The following DCC variants were observed in gnomAD, a reference collection of about 807,000 sequenced individuals.
The protein encoded by DCC is netrin receptor DCC.
Under a neutral mutation model 172.5 loss-of-function variants are expected in DCC, and 58 were observed. The observed-to-expected ratio is 0.34, with a 90% confidence interval of 0.27 to 0.42. DCC has a LOEUF of 0.42. Ranked by LOEUF, DCC falls within the 10% of genes least tolerant of loss-of-function variation. The pLI is 1.00. For missense variants in DCC, 1,740 were observed against 1,791.0 expected (o/e 0.97, Z 0.51); for synonymous variants, 709 against 644.5 (o/e 1.10, Z -1.52).
chr18:53,014,737 G>T (rs958291988), intron 5 of DCC, among the ~76,000 whole-genome samples: 5 of 151,968 alleles, frequency 3.3e-5, no homozygotes, highest in Admixed American at 2.0e-4. Flanking sequence ...AAAATCATTG[G>T]TTTTAAGTTT....
intron 27 of DCC, among the ~76,000 whole-genome samples, chr18:53,512,010 G>T (rs1219496205): frequency 6.6e-6 from 1 of 152,196 alleles, no homozygotes; most frequent in East Asian, 1.9e-4. Flanking sequence ...ACCTCTGGGG[G>T]CAGGGCACAG....
At chr18:52,346,892 G>T (rs982190108) in intron 1 of DCC, among the ~76,000 whole-genome samples, 7 of 152,040 alleles carry the variant, frequency 4.6e-5, no homozygotes, top group Admixed American at 2.0e-4. Context: ...CAAATTTTTT[G>T]ACTTTTAGCT....
intron 2 of DCC, among the ~76,000 whole-genome samples, chr18:52,812,633 A>G (rs2038223493): frequency 6.6e-6 from 1 of 152,334 alleles, no homozygotes; most frequent in East Asian, 1.9e-4. Flanking sequence ...AATAGATACT[A>G]TTTATTTTCA....
At chr18:52,375,319 TCA>T (rs10604305) in intron 1 of DCC, among the ~76,000 whole-genome samples, 22,410 of 151,704 alleles carry the variant, frequency 0.15, 1,775 homozygotes, top group African/African-American at 0.17. Flanking sequence ...ACTATAACAC[TCA>T]CACACACACA....
At chr18:52,981,326 GTTCTT>G (rs1261888737) in intron 5 of DCC, among the ~76,000 whole-genome samples, 2 of 152,082 alleles carry the variant, frequency 1.3e-5, no homozygotes, top group African/African-American at 2.4e-5. Flanking sequence ...CTTTTTGACA[GTTCTT>G]TTCTTTTTCA....
chr18:52,927,888 T>A (rs1389551220), intron 5 of DCC, among the ~76,000 whole-genome samples: 1 of 152,084 alleles, frequency 6.6e-6, no homozygotes, highest in Non-Finnish European at 1.5e-5. Context: ...GTAGAATTAC[T>A]ATTTGACCCA....
intron 1 of DCC, among the ~76,000 whole-genome samples, chr18:52,748,485 G>C (rs554920510): frequency 1.3e-4 from 20 of 152,308 alleles, no homozygotes; most frequent in African/African-American, 4.6e-4. Flanking sequence ...CGGGGCAAGG[G>C]GTGGGCAGGA....
chr18:53,416,380 T>C, intron 21 of DCC: 1 of 683,298 alleles, frequency 1.5e-6, no homozygotes, highest in Middle Eastern at 2.4e-4. Context: ...GTCTCCATTC[T>C]GAAGGACCAA....
rs552028792 is a variant in DCC, at chr18:53,039,916, A to G, written c.986-23389A>G. 3.9e-5 allele frequency among the ~76,000 whole-genome samples: 6 copies of G among 152,074 alleles called. No individual in the cohort carries two copies. In the East Asian group the frequency reaches 1.2e-3, roughly 30 times the overall value. ...TGGAATGTCCATTCCTTGAGGGCAT[A>G]TCTATTGTCTGTGCAGCTGCAGTGC... On this transcript the variant is annotated intron_variant, in intron 5 of 28. Coordinates refer to ENST00000442544, the MANE Select transcript of DCC (RefSeq NM_005215.4).
chr18:52,535,936 C>A (rs572032912), intron 1 of DCC, among the ~76,000 whole-genome samples: 1 of 152,156 alleles, frequency 6.6e-6, no homozygotes, highest in African/African-American at 2.4e-5. Flanking sequence ...GCTTTGGGAG[C>A]ACAGAGGAGG....
chr18:52,781,585 A>G (rs1016774110), intron 2 of DCC, among the ~76,000 whole-genome samples: 1 of 152,136 alleles, frequency 6.6e-6, no homozygotes, highest in Non-Finnish European at 1.5e-5. Context: ...TATATATAGT[A>G]TTAATATTTC....
intron 21 of DCC, among the ~76,000 whole-genome samples, chr18:53,417,031 G>A (rs968809121): frequency 1.7e-4 from 26 of 152,172 alleles, no homozygotes; most frequent in African/African-American, 4.6e-4. Context: ...TAGATTGAGA[G>A]TCTGCAGTTC....
chr18:53,102,517 G>A (rs570083513), intron 7 of DCC, among the ~76,000 whole-genome samples: 10 of 152,154 alleles, frequency 6.6e-5, no homozygotes, highest in African/African-American at 2.2e-4. Context: ...TGATGTATAT[G>A]TATTTCCAGC....
At chr18:53,474,901 T>G (rs1027951078) in intron 25 of DCC, among the ~76,000 whole-genome samples, 1 of 152,202 alleles carries the variant, frequency 6.6e-6, no homozygotes, top group African/African-American at 2.4e-5. Flanking sequence ...TCCTAGAGAC[T>G]TGTTGAATGG....
chr18:52,819,349 G>T (rs1051059912), intron 2 of DCC, among the ~76,000 whole-genome samples: 1 of 152,214 alleles, frequency 6.6e-6, no homozygotes, highest in African/African-American at 2.4e-5. Context: ...TATAAAGATT[G>T]TGCCTAAAAG....
intron 27 of DCC, among the ~76,000 whole-genome samples, chr18:53,512,272 A>G (rs952834021): frequency 4.7e-5 from 7 of 149,852 alleles, no homozygotes; most frequent in African/African-American, 1.7e-4. Flanking sequence ...AAGGAAAACT[A>G]ACAAACAGAA....
At chr18:52,848,677 G>A (rs2038931803) in intron 2 of DCC, among the ~76,000 whole-genome samples, 1 of 151,998 alleles carries the variant, frequency 6.6e-6, no homozygotes, top group Non-Finnish European at 1.5e-5. Context: ...ATTGTAGTCA[G>A]GCTCTGACTT....
At chr18:52,989,735 G>T (rs2041353060) in intron 5 of DCC, among the ~76,000 whole-genome samples, 1 of 152,136 alleles carries the variant, frequency 6.6e-6, no homozygotes, top group South Asian at 2.1e-4. Context: ...AATGGTAAAA[G>T]TTATAATGAC....
intron 1 of DCC, among the ~76,000 whole-genome samples, chr18:52,442,827 G>A (rs920644148): frequency 6.6e-6 from 1 of 152,074 alleles, no homozygotes; most frequent in Non-Finnish European, 1.5e-5. Context: ...CCATTACCTT[G>A]CTCTACATCG....
Sources: gnomAD v4.1 joint callset for allele counts (sites outside exome capture counted in the v4.1 genomes callset) on GRCh38, gnomAD v4.1.1 for gene constraint, MANE v1.5 for transcripts, NCBI Gene and HGNC (gene_info 2026-07-23, HGNC 2026-07-21) for gene names.